The following GULP1 variants were observed in gnomAD, a reference collection of about 807,000 sequenced individuals.
GULP1 encodes PTB domain-containing engulfment adapter protein 1.
A neutral mutation model predicts 40.9 loss-of-function variants in GULP1; 19 were observed. The observed-to-expected ratio is 0.46, with a 90% confidence interval of 0.32 to 0.68. The LOEUF (loss-of-function observed/expected upper bound fraction) is 0.68. Among genes scored for constraint, GULP1 ranks in the 30% least tolerant of loss-of-function variants. GULP1 has a pLI of 0.03. For missense variants in GULP1, 312 were observed against 362.2 expected, an observed-to-expected ratio of 0.86 and a Z score of 1.12; for synonymous variants, 119 against 117.6, an observed-to-expected ratio of 1.01 and a Z score of -0.08.
intron 7 of GULP1, among the ~76,000 whole-genome samples, chr2:188,549,608 G>A (rs1239775843): frequency 6.6e-6 from 1 of 151,786 alleles, no homozygotes; most frequent in East Asian, 1.9e-4. Context: ...TGAACATGCA[G>A]CTGTCCTATG....
chr2:188,471,715 T>G (rs1421067755), intron 2 of GULP1, among the ~76,000 whole-genome samples: 1 of 152,214 alleles, frequency 6.6e-6, no homozygotes, highest in Non-Finnish European at 1.5e-5. Flanking sequence ...TTTCCATTTA[T>G]ATCTTATTGT....
intron 1 of GULP1, among the ~76,000 whole-genome samples, chr2:188,314,680 ATACAT>A (rs2038782353): frequency 6.6e-6 from 1 of 152,170 alleles, no homozygotes; most frequent in Admixed American, 6.6e-5. Context: ...TACCTTTTAA[ATACAT>A]TACAGTAGTC....
chr2:188,360,931 A>G (rs2045986300), intron 1 of GULP1, among the ~76,000 whole-genome samples: 1 of 152,098 alleles, frequency 6.6e-6, no homozygotes, highest in Non-Finnish European at 1.5e-5. Flanking sequence ...GTATTATTCA[A>G]CGTAATCATG....
chr2:188,392,026 G>C (rs1161828099), intron 2 of GULP1, among the ~76,000 whole-genome samples: 1 of 151,794 alleles, frequency 6.6e-6, no homozygotes, highest in African/African-American at 2.4e-5. Context: ...ATTCTATTGA[G>C]GATTTTTGCA....
At chr2:188,416,245 T>C (rs1024823750) in intron 2 of GULP1, among the ~76,000 whole-genome samples, 4 of 152,154 alleles carry the variant, frequency 2.6e-5, no homozygotes, top group Non-Finnish European at 5.9e-5. Context: ...CTTTTTTCTC[T>C]TCCTTCTTTT....
chr2:188,426,869 A>G (rs2056264410), intron 2 of GULP1, among the ~76,000 whole-genome samples: 1 of 152,228 alleles, frequency 6.6e-6, no homozygotes, highest in Admixed American at 6.5e-5. Flanking sequence ...AGACAGAAAG[A>G]TGAGGGAAAA....
At chr2:188,427,945 G>C (rs1036544683) in intron 2 of GULP1, among the ~76,000 whole-genome samples, 2 of 152,236 alleles carry the variant, frequency 1.3e-5, no homozygotes, top group Non-Finnish European at 2.9e-5. Context: ...CAGCCCTTGA[G>C]AGTAGCCATG....
chr2:188,509,562 A>G (rs2064291524), intron 4 of GULP1, among the ~76,000 whole-genome samples: 1 of 152,118 alleles, frequency 6.6e-6, no homozygotes, highest in Admixed American at 6.6e-5. Context: ...CTCCTTTTCT[A>G]CAAAAAATGA....
At chr2:188,389,246 G>A (rs898876209) in intron 2 of GULP1, among the ~76,000 whole-genome samples, 1 of 152,104 alleles carries the variant, frequency 6.6e-6, no homozygotes, top group Non-Finnish European at 1.5e-5. Flanking sequence ...CTTTGCTAGA[G>A]CACTCATAAC....
intron 1 of GULP1, among the ~76,000 whole-genome samples, chr2:188,377,436 C>A (rs1358227609): frequency 6.6e-6 from 1 of 152,110 alleles, no homozygotes; most frequent in Non-Finnish European, 1.5e-5. Context: ...TTATAATAGA[C>A]AAGATTTTTC....
intron 1 of GULP1, among the ~76,000 whole-genome samples, chr2:188,299,864 TGTCA>T (rs1435697822): frequency 6.6e-6 from 1 of 152,154 alleles, no homozygotes; most frequent in Non-Finnish European, 1.5e-5. Flanking sequence ...AAAGGGACAG[TGTCA>T]GTCAGAGCAG....
At chr2:188,355,951 A>G (rs2045242022) in intron 1 of GULP1, among the ~76,000 whole-genome samples, 2 of 152,254 alleles carry the variant, frequency 1.3e-5, no homozygotes, top group Middle Eastern at 3.4e-3. Context: ...ATCTCAATGG[A>G]CACAGAAAAA....
At chr2:188,297,387 T>C (rs2035197646) in intron 1 of GULP1, 2 of 437,032 alleles carry the variant, frequency 4.6e-6, no homozygotes, top group Admixed American at 2.9e-5. Context: ...ACTGATAAGT[T>C]TATCAGGTAT....
At chr2:188,353,609 G>A (rs1314450094) in intron 1 of GULP1, among the ~76,000 whole-genome samples, 1 of 151,956 alleles carries the variant, frequency 6.6e-6, no homozygotes. Context: ...GCTGCCTAGA[G>A]CAGTCACCGC....
intron 1 of GULP1, among the ~76,000 whole-genome samples, chr2:188,372,654 C>A (rs1306822013): frequency 6.6e-6 from 1 of 152,002 alleles, no homozygotes; most frequent in Non-Finnish European, 1.5e-5. Flanking sequence ...TTTGACCTAA[C>A]ATCCATGTGA....
intron 4 of GULP1, among the ~76,000 whole-genome samples, chr2:188,518,160 G>A (rs890951299): frequency 3.9e-5 from 6 of 152,086 alleles, no homozygotes; most frequent in Admixed American, 1.3e-4. Context: ...TTTAACCAGT[G>A]TCTTAGGCCA....
intron 1 of GULP1, among the ~76,000 whole-genome samples, chr2:188,368,330 C>A (rs903045479): frequency 1.3e-5 from 2 of 152,046 alleles, no homozygotes; most frequent in African/African-American, 4.8e-5. Flanking sequence ...GCCTTTAATC[C>A]TGGCACTTTG....
chr2:188,520,952 G>A (rs2065703470), intron 4 of GULP1, among the ~76,000 whole-genome samples: 1 of 151,862 alleles, frequency 6.6e-6, no homozygotes, highest in Non-Finnish European at 1.5e-5. Flanking sequence ...ATGAAGGAAG[G>A]AATAAGAGAT....
intron 1 of GULP1, among the ~76,000 whole-genome samples, chr2:188,313,337 T>C (rs1211515407): frequency 1.3e-5 from 2 of 152,172 alleles, no homozygotes; most frequent in Non-Finnish European, 2.9e-5. Context: ...TTTCTGCATA[T>C]GGCTAGCCAG....
Sources: allele counts gnomAD v4.1 joint callset (sites outside exome capture counted in the v4.1 genomes callset), GRCh38; gene constraint gnomAD v4.1.1; transcripts MANE v1.5; gene names NCBI Gene and HGNC (gene_info 2026-07-23, HGNC 2026-07-21).